The following CMPK1 variants were observed in gnomAD, a reference collection of about 807,000 sequenced individuals.
CMPK1 encodes UMP-CMP kinase.
In CMPK1, 10 loss-of-function variants were observed where a neutral mutation model predicts 25.7. The observed-to-expected ratio is 0.39, with a 90% CI of 0.24 to 0.66. The LOEUF is 0.66. Among genes scored for constraint, CMPK1 ranks in the 30% least tolerant of loss-of-function variants. The probability of loss-of-function intolerance (pLI) is 0.48; values close to 1 mark genes in which losing one functional copy is unlikely to be tolerated. For synonymous variants in CMPK1, 106 were observed against 101.5 expected, an observed-to-expected ratio of 1.04 and a Z score of -0.27; for missense variants, 199 against 280.5, an observed-to-expected ratio of 0.71 and a Z score of 2.08.
chr1:47,369,353 G>A (rs1301212592), intron 2 of CMPK1, among the ~76,000 whole-genome samples: 1 of 152,056 alleles, frequency 6.6e-6, no homozygotes, highest in Non-Finnish European at 1.5e-5. Flanking sequence ...GCTTGAGAAT[G>A]GCAGAACTGG....
chr1:47,355,824 C>T (rs1258404824), intron 1 of CMPK1, among the ~76,000 whole-genome samples: 2 of 151,972 alleles, frequency 1.3e-5, no homozygotes, highest in Non-Finnish European at 2.9e-5. Context: ...CCAGGCTGGT[C>T]TTGAATTTGA....
chr1:47,341,577 C>T lies in CMPK1; in HGVS notation c.171+7461C>T, dbSNP rs533717765. Among the ~76,000 whole-genome samples, 8 of 152,108 alleles carry T rather than the reference C, an allele frequency of 5.3e-5. No individual in the cohort carries two copies. In the South Asian group the frequency reaches 1.0e-3, roughly 20 times the overall value. ...AGAGACAGTGTTTCATTAGGTATTTCTTTATAGCAGTGTGAGAATGGACTA... is the reference window on the plus strand; with the variant it reads ...AGAGACAGTGTTTCATTAGGTATTTTTTTATAGCAGTGTGAGAATGGACTA... On this transcript the variant is annotated intron_variant, in intron 1 of 5. Coordinates refer to ENST00000371873, the MANE Select transcript of CMPK1 (RefSeq NM_016308.3).
chr1:47,340,811 A>G (rs1236619143), intron 1 of CMPK1, among the ~76,000 whole-genome samples: 2 of 151,856 alleles, frequency 1.3e-5, no homozygotes, highest in Non-Finnish European at 2.9e-5. Context: ...CTAATTTTGT[A>G]TTTTTAGTAG....
At chr1:47,355,101 C>T (rs2149329490) in intron 1 of CMPK1, among the ~76,000 whole-genome samples, 1 of 151,840 alleles carries the variant, frequency 6.6e-6, no homozygotes, top group East Asian at 1.9e-4. Context: ...GGTTGGAGTG[C>T]AATGGCATGA....
At chr1:47,353,625 C>T (rs1570363532) in intron 1 of CMPK1, among the ~76,000 whole-genome samples, 11 of 151,924 alleles carry the variant, frequency 7.2e-5, no homozygotes, top group Admixed American at 7.2e-4. Flanking sequence ...GGATTCTTAT[C>T]CTTACTTCAT....
At chr1:47,334,532 G>T (rs1381738870) in intron 1 of CMPK1, among the ~76,000 whole-genome samples, 5 of 152,210 alleles carry the variant, frequency 3.3e-5, no homozygotes, top group Non-Finnish European at 7.3e-5. Context: ...GCCCACAGTT[G>T]TCTGAAGGAG....
At chr1:47,375,837 C>G (rs932863078) in intron 5 of CMPK1, among the ~76,000 whole-genome samples, 3 of 152,174 alleles carry the variant, frequency 2.0e-5, no homozygotes, top group African/African-American at 7.2e-5. Context: ...AACAAAATTT[C>G]TAGTGTCTCT....
At position 47,342,743 on chromosome 1, in the gene CMPK1, G is replaced by A. The variant is rs555322941; in HGVS notation, c.171+8627G>A. Among the ~76,000 whole-genome samples the A allele has an allele frequency of 8.8e-5, 13 of 147,116 alleles. No homozygotes were observed. The East Asian group carries it at 1.4e-3, about 16-fold the overall frequency. Reference sequence around the variant, plus strand: ...CAGCTCACTGCAGCTTCTGCCTCCCGGGTTCAAGAAATTCTCCTGCCTCAG... The same window carrying A: ...CAGCTCACTGCAGCTTCTGCCTCCCAGGTTCAAGAAATTCTCCTGCCTCAG... On this transcript the variant is annotated intron_variant, in intron 1 of 5. Coordinates refer to ENST00000371873, the MANE Select transcript of CMPK1 (RefSeq NM_016308.3).
At chr1:47,358,108 T>TC in intron 1 of CMPK1, among the ~76,000 whole-genome samples, 1 of 144,958 alleles carries the variant, frequency 6.9e-6, no homozygotes, top group East Asian at 2.0e-4. Flanking sequence ...GTAGGTCTTT[T>TC]TTTTTTTTTT....
At chr1:47,347,581 T>G (rs1646494243) in intron 1 of CMPK1, among the ~76,000 whole-genome samples, 5 of 152,076 alleles carry the variant, frequency 3.3e-5, no homozygotes, top group Admixed American at 2.6e-4. Flanking sequence ...AAAGATATGA[T>G]GTAATTGAAA....
Position 47,357,256 on chromosome 1 carries a change from C to G in CMPK1, c.172-11213C>G, listed in dbSNP as rs1034157806. On this transcript the variant is annotated intron_variant, in intron 1 of 5. Coordinates refer to ENST00000371873, the MANE Select transcript of CMPK1 (RefSeq NM_016308.3). ...TGCTGAGATTACAGGCGTGAGCCAC[C>G]GCGCCCAGCCCTGCCTTCTTTTTAT... Among the ~76,000 whole-genome samples, 3 of 152,086 alleles carry G rather than the reference C, an allele frequency of 2.0e-5. No homozygotes were observed. In the East Asian group the frequency reaches 5.8e-4, roughly 29 times the overall value.
rs1646371844 is a variant in CMPK1, at chr1:47,333,819, C to T, written c.-127C>T. 5 of 447,978 alleles carry T rather than the reference C, an allele frequency of 1.1e-5. No individual in the cohort carries two copies. Among genetic ancestry groups the T allele is most frequent in the Non-Finnish European group, 1.5e-5 (5 of 337,454 alleles). The allele number at this position is 447,978 out of a possible 1,614,324, so 27.8% of individuals were successfully genotyped here. On this transcript the variant is annotated 5_prime_UTR_variant, in exon 1 of 6. Transcript: ENST00000371873. The stretch of plus-strand genomic sequence containing the variant: ...TCCGACAGGGCCGCGGACGCCCGGG[C>T]AGCCACGGCGGCGGGGCCGCGGCGG...
chr1:47,342,655 T>C (rs866514213), intron 1 of CMPK1, among the ~76,000 whole-genome samples: 11,320 of 144,976 alleles, frequency 0.078, 1,339 homozygotes, highest in African/African-American at 0.27. Flanking sequence ...TTTTCTTTTT[T>C]TTTTTTTTTT....
intron 1 of CMPK1, among the ~76,000 whole-genome samples, chr1:47,339,273 G>T (rs1646421955): frequency 1.3e-5 from 2 of 152,078 alleles, no homozygotes; most frequent in South Asian, 4.2e-4. Flanking sequence ...GCTTCCTAAA[G>T]TACTGAGATT....
chr1:47,351,751 TTTGTTTTTG>T (rs1646523945), intron 1 of CMPK1, among the ~76,000 whole-genome samples: 1 of 152,154 alleles, frequency 6.6e-6, no homozygotes, highest in Non-Finnish European at 1.5e-5. Flanking sequence ...GTTTATTTTT[TTTGTTTTTG>T]TTGTTGTTTT....
intron 3 of CMPK1, 75 bp from the exon 4 acceptor site, chr1:47,374,834 C>CTCTTGTTTTCTTTGCAGG: frequency 1.8e-6 from 2 of 1,129,298 alleles, no homozygotes; most frequent in Non-Finnish European, 1.3e-6. Context: ...TCTCTTTAAA[C>CTCTTGTTTTCTTTGCAGG]TCTTGTTTTC....
intron 1 of CMPK1, among the ~76,000 whole-genome samples, chr1:47,363,811 C>T (rs962266211): frequency 4.0e-5 from 6 of 150,666 alleles, no homozygotes; most frequent in Admixed American, 3.3e-4. Context: ...GGTGTGGTGG[C>T]GGGCACCTAT....
chr1:47,371,899 C>T (rs1646679762), intron 2 of CMPK1, among the ~76,000 whole-genome samples: 1 of 152,182 alleles, frequency 6.6e-6, no homozygotes, highest in Non-Finnish European at 1.5e-5. Flanking sequence ...TCCTTTACTT[C>T]CTGTCTTGGT....
intron 1 of CMPK1, among the ~76,000 whole-genome samples, chr1:47,363,289 C>T (rs765226282): frequency 5.9e-5 from 9 of 152,100 alleles, no homozygotes; most frequent in Non-Finnish European, 8.8e-5. Context: ...CTAAATTGAA[C>T]CATCCGAAGT....
Sources: gnomAD v4.1 joint callset for allele counts (sites outside exome capture counted in the v4.1 genomes callset) on GRCh38, gnomAD v4.1.1 for gene constraint, MANE v1.5 for transcripts, NCBI Gene and HGNC (gene_info 2026-07-23, HGNC 2026-07-21) for gene names.